CAST: variants seen among roughly 807,000 people sequenced by gnomAD.
CAST encodes the protein calpastatin.
A neutral mutation model predicts 119.6 loss-of-function variants in CAST; 76 were observed. That is an observed-to-expected ratio of 0.64 (90% CI 0.53 to 0.77). The LOEUF is 0.77. Ranked by LOEUF, CAST falls within the 30% of genes least tolerant of loss-of-function variation. The pLI is 0.00. For missense variants in CAST, 953 were observed against 946.5 expected (o/e 1.01, Z -0.09); for synonymous variants, 319 against 331.6 (o/e 0.96, Z 0.41).
chr5:96,618,810 C>T (rs774290206), intron 1 of CAST, among the ~76,000 whole-genome samples: 29 of 152,214 alleles, frequency 1.9e-4, no homozygotes, highest in Middle Eastern at 3.2e-3. Context: ...CGTGGGCTCC[C>T]GGGGGACCTG....
the CAST span, among the ~76,000 whole-genome samples, chr5:96,339,453 A>G: frequency 7.2e-5 from 11 of 152,352 alleles, no homozygotes; most frequent in African/African-American, 2.2e-4. Context: ...ATTATTGGTC[A>G]TAACATTGCA....
chr5:96,662,753 T>C (rs1172150858), intron 1 of CAST, among the ~76,000 whole-genome samples: 1 of 152,088 alleles, frequency 6.6e-6, no homozygotes, highest in Non-Finnish European at 1.5e-5. Context: ...CAAGAAAAGT[T>C]GGCTGGTAAG....
the CAST span, among the ~76,000 whole-genome samples, chr5:96,489,958 A>G: frequency 2.0e-5 from 3 of 152,228 alleles, no homozygotes; most frequent in South Asian, 6.2e-4. Flanking sequence ...ACTTCTATGT[A>G]ATTTTAAATA....
Position 96,767,499 on chromosome 5 carries a change from C to G in CAST, c.2175+17C>G. ...GATTCAAAGGTAAAGACCATAGGAA[C>G]ATATTTCCATTAAATTTTGTTTTAT... is the stretch of plus-strand genomic sequence containing the variant. On this transcript the variant is annotated intron_variant, in intron 28 of 31. Transcript: ENST00000675179. The G allele has an allele frequency of 6.2e-7, 1 of 1,605,938 alleles. No homozygotes were observed. The highest frequency in any genetic ancestry group is 8.5e-7 in the Non-Finnish European group (1 of 1,173,422).
At chr5:96,476,081 C>T in the CAST span, among the ~76,000 whole-genome samples, 1 of 152,192 alleles carries the variant, frequency 6.6e-6, no homozygotes, top group Non-Finnish European at 1.5e-5. Flanking sequence ...AGCTGTTGAA[C>T]ATTCAGAAAC....
chr5:96,291,681 G>T, the CAST span, among the ~76,000 whole-genome samples: 1 of 151,976 alleles, frequency 6.6e-6, no homozygotes, highest in Non-Finnish European at 1.5e-5. Context: ...CCAAGCTCTG[G>T]GGAGAGGGGA....
chr5:96,740,203 G>A (rs1392401574), intron 12 of CAST, 85 bp downstream of exon 12: 6 of 694,846 alleles, frequency 8.6e-6, no homozygotes, highest in African/African-American at 5.5e-5. Context: ...GTGTTTAGAA[G>A]TTAGAAAATA....
the CAST span, among the ~76,000 whole-genome samples, chr5:96,506,753 A>G: frequency 3.3e-5 from 5 of 152,214 alleles, no homozygotes; most frequent in South Asian, 2.1e-4. Context: ...ACCTCCACAT[A>G]GAGGCTTCCT....
At chr5:96,354,022 C>T in the CAST span, among the ~76,000 whole-genome samples, 1 of 152,182 alleles carries the variant, frequency 6.6e-6, no homozygotes, top group Non-Finnish European at 1.5e-5. Flanking sequence ...GGCCAGAAAC[C>T]TTGTAGTCAT....
the CAST span, among the ~76,000 whole-genome samples, chr5:96,091,504 CTTTT>C: frequency 2.0e-5 from 2 of 98,538 alleles, no homozygotes; most frequent in Admixed American, 1.1e-4. Flanking sequence ...CATGCCTGGC[CTTTT>C]TTTTTTTTTT....
intron 1 of CAST, among the ~76,000 whole-genome samples, chr5:96,590,645 A>G (rs1746946164): frequency 6.6e-6 from 1 of 152,206 alleles, no homozygotes; most frequent in Non-Finnish European, 1.5e-5. Context: ...AGAGGGGAAA[A>G]GTAAATAGAA....
intron 3 of CAST, among the ~76,000 whole-genome samples, chr5:96,701,378 C>T (rs1753869473): frequency 6.6e-6 from 1 of 152,182 alleles, no homozygotes; most frequent in Non-Finnish European, 1.5e-5. Context: ...AATTAGTCAC[C>T]CTGTGCTGTT....
At chr5:96,252,966 T>C in the CAST span, among the ~76,000 whole-genome samples, 2 of 152,094 alleles carry the variant, frequency 1.3e-5, no homozygotes, top group East Asian at 3.9e-4. Flanking sequence ...TAAACACATA[T>C]GGGCTATTAA....
the CAST span, among the ~76,000 whole-genome samples, chr5:96,228,324 C>T: frequency 1.3e-5 from 2 of 152,162 alleles, no homozygotes; most frequent in Non-Finnish European, 2.9e-5. Context: ...ACTCATACCT[C>T]TGTACATTTC....
the CAST span, among the ~76,000 whole-genome samples, chr5:96,370,369 C>T: frequency 6.6e-6 from 1 of 152,062 alleles, no homozygotes; most frequent in East Asian, 1.9e-4. Flanking sequence ...AAAAAAGAAG[C>T]AAGCAGCTGT....
intron 19 of CAST, among the ~76,000 whole-genome samples, chr5:96,749,456 G>A (rs898374654): frequency 6.6e-6 from 1 of 152,184 alleles, no homozygotes; most frequent in African/African-American, 2.4e-5. Flanking sequence ...ACCATCTGCT[G>A]AGCACCTTGC....
chr5:96,556,069 C>T (rs1746232181), intron 1 of CAST, among the ~76,000 whole-genome samples: 1 of 152,216 alleles, frequency 6.6e-6, no homozygotes, highest in Non-Finnish European at 1.5e-5. Context: ...CGCTGTTCTG[C>T]AGCCTCCGCT....
At chr5:96,430,296 T>C in the CAST span, among the ~76,000 whole-genome samples, 1 of 152,230 alleles carries the variant, frequency 6.6e-6, no homozygotes, top group African/African-American at 2.4e-5. Flanking sequence ...CCAAATCCTC[T>C]AGGTAACCCT....
At chr5:96,403,300 A>T in the CAST span, among the ~76,000 whole-genome samples, 4 of 152,144 alleles carry the variant, frequency 2.6e-5, no homozygotes, top group East Asian at 5.8e-4. Flanking sequence ...GTTCTAGGGT[A>T]CATGTGCACA....
Sources: allele counts gnomAD v4.1 joint callset (sites outside exome capture counted in the v4.1 genomes callset), GRCh38; gene constraint gnomAD v4.1.1; transcripts MANE v1.5; gene names NCBI Gene and HGNC (gene_info 2026-07-23, HGNC 2026-07-21).